Variants in TTC29 observed in about 807,000 individuals in gnomAD.
TTC29 encodes the protein tetratricopeptide repeat domain 29, also known as tetratricopeptide repeat protein 29.
Under a neutral mutation model 58.1 loss-of-function variants are expected in TTC29, and 49 were observed. The observed-to-expected ratio is 0.84, with a 90% CI of 0.67 to 1.07. TTC29 has a LOEUF of 1.07. Ranked by LOEUF, TTC29 falls within the 50% of genes least tolerant of loss-of-function variation. The probability of loss-of-function intolerance (pLI) is 0.00; values close to 1 mark genes in which losing one functional copy is unlikely to be tolerated. For missense variants in TTC29, 582 were observed against 555.6 expected, an observed-to-expected ratio of 1.05 and a Z score of -0.48; for synonymous variants, 209 against 196.8, an observed-to-expected ratio of 1.06 and a Z score of -0.52.
chr4:146,785,615 T>C (rs554916532), intron 11 of TTC29, among the ~76,000 whole-genome samples: 1 of 151,482 alleles, frequency 6.6e-6, no homozygotes, highest in East Asian at 1.9e-4. Context: ...AACCTTCTTT[T>C]CCCCCAGTCT....
chr4:146,815,339 G>T lies in TTC29; in HGVS notation c.1101+4786C>A, dbSNP rs562559032. On this transcript the variant is annotated intron_variant, in intron 10 of 12. Transcript: ENST00000325106. The stretch of plus-strand genomic sequence containing the variant: ...TTGGATTGAATATGGAGCCGGGGGA[G>T]AGGAGAATTGAAGGATTTTCAGATT... 2.0e-5 allele frequency among the ~76,000 whole-genome samples: 3 copies of T among 152,294 alleles called. No individual in the cohort carries two copies. The South Asian group carries it at 6.2e-4, about 32-fold the overall frequency.
Position 146,708,927 on chromosome 4 carries a change from T to C in TTC29, c.1331-1376A>G, listed in dbSNP as rs76448051. 7.2e-4 allele frequency among the ~76,000 whole-genome samples: 110 copies of C among 152,258 alleles called. 2 individuals carry two copies. The East Asian group carries it at 0.021, about 29-fold the overall frequency. On this transcript the variant is annotated intron_variant, in intron 11 of 12. Coordinates refer to ENST00000325106, the MANE Select transcript of TTC29 (RefSeq NM_031956.4). ...TTCTCGGTCTTCTCACTACTGCACC[T>C]GAAGATGGGTTGGTGTCCTCTCCTC... is the stretch of plus-strand genomic sequence containing the variant.
intron 11 of TTC29, 70 bp downstream of exon 11, chr4:146,803,387 T>A: frequency 8.7e-7 from 1 of 1,145,228 alleles, no homozygotes; most frequent in Non-Finnish European, 1.2e-6. Context: ...GAGTGAAACT[T>A]TCCAATGAAA....
At chr4:146,806,452 C>CT (rs1430069851) in intron 10 of TTC29, among the ~76,000 whole-genome samples, 2 of 152,100 alleles carry the variant, frequency 1.3e-5, no homozygotes, top group Non-Finnish European at 2.9e-5. Flanking sequence ...TTGATAAAGA[C>CT]TGAAGACCCA....
intron 11 of TTC29, among the ~76,000 whole-genome samples, chr4:146,735,404 T>C (rs1744645461): frequency 6.6e-6 from 1 of 152,166 alleles, no homozygotes. Flanking sequence ...ACAGTATCTT[T>C]GGTTTTAAAT....
At chr4:146,780,703 TATATA>T (rs74673696) in intron 11 of TTC29, among the ~76,000 whole-genome samples, 7,007 of 152,100 alleles carry the variant, frequency 0.046, 225 homozygotes, top group East Asian at 0.14. Flanking sequence ...CACACACATA[TATATA>T]ATATAACTGT....
Position 146,930,942 on chromosome 4 carries a change from G to A in TTC29, c.176+6652C>T, listed in dbSNP as rs147624106. 2.8e-3 allele frequency among the ~76,000 whole-genome samples: 427 copies of A among 152,196 alleles called. 2 individuals are homozygous for A. Among genetic ancestry groups the A allele is most frequent in the Non-Finnish European group, 4.4e-3 (300 of 68,006 alleles). On this transcript the variant is annotated intron_variant, in intron 4 of 12. Transcript: ENST00000325106. ...AAGTGCATTTTGCACTGTGGTTTACGGGCTATTGTAGGAAGAACCACATCC... is the reference window on the plus strand; with the variant it reads ...AAGTGCATTTTGCACTGTGGTTTACAGGCTATTGTAGGAAGAACCACATCC...
intron 6 of TTC29, among the ~76,000 whole-genome samples, chr4:146,886,321 T>C (rs1731980420): frequency 6.6e-6 from 1 of 152,144 alleles, no homozygotes; most frequent in Non-Finnish European, 1.5e-5. Context: ...CTGTTAGAAA[T>C]CCGTCCAATC....
At chr4:146,730,332 T>G (rs1030100209) in intron 11 of TTC29, among the ~76,000 whole-genome samples, 10 of 152,132 alleles carry the variant, frequency 6.6e-5, no homozygotes, top group Non-Finnish European at 1.3e-4. Context: ...TTTTGGCCAC[T>G]CTAAGTCTGA....
At chr4:146,833,944 C>A in intron 8 of TTC29, 47 bp from the exon 9 acceptor site, 2 of 1,262,222 alleles carry the variant, frequency 1.6e-6, no homozygotes, top group Non-Finnish European at 1.1e-6. Flanking sequence ...CAGCCAGATA[C>A]GCTGATGTTT....
At chr4:146,759,216 C>T (rs1333543900) in intron 11 of TTC29, among the ~76,000 whole-genome samples, 1 of 152,028 alleles carries the variant, frequency 6.6e-6, no homozygotes, top group Non-Finnish European at 1.5e-5. Context: ...CACACATAAA[C>T]TAGAAAACCT....
intron 9 of TTC29, among the ~76,000 whole-genome samples, chr4:146,822,367 G>C (rs886823959): frequency 1.3e-5 from 2 of 152,178 alleles, no homozygotes; most frequent in African/African-American, 4.8e-5. Context: ...TTAACTTGCT[G>C]AGGATGGTGG....
intron 10 of TTC29, among the ~76,000 whole-genome samples, chr4:146,809,893 C>T (rs1654727095): frequency 1.3e-5 from 2 of 150,438 alleles, no homozygotes. Context: ...TACCATTTGA[C>T]CCAGCAATCC....
At chr4:146,873,169 T>C (rs936126590) in intron 7 of TTC29, among the ~76,000 whole-genome samples, 3 of 152,110 alleles carry the variant, frequency 2.0e-5, no homozygotes, top group Non-Finnish European at 4.4e-5. Context: ...TGTAAACCAA[T>C]GTGAGGGGCA....
At chr4:146,769,349 T>G (rs1747551865) in intron 11 of TTC29, among the ~76,000 whole-genome samples, 1 of 152,008 alleles carries the variant, frequency 6.6e-6, no homozygotes, top group Non-Finnish European at 1.5e-5. Context: ...TCAAGCTTAA[T>G]ATTTTCCTGA....
chr4:146,798,731 G>GA (rs1273596997), intron 11 of TTC29, among the ~76,000 whole-genome samples: 1 of 150,976 alleles, frequency 6.6e-6, no homozygotes, highest in Non-Finnish European at 1.5e-5. Flanking sequence ...ACTAAAAATA[G>GA]AAAAAATTAG....
At chr4:146,776,721 G>T (rs971027495) in intron 11 of TTC29, among the ~76,000 whole-genome samples, 1 of 152,182 alleles carries the variant, frequency 6.6e-6, no homozygotes, top group Admixed American at 6.5e-5. Context: ...TGGGGCAGTG[G>T]GATCTGTGCC....
At chr4:146,900,853 T>TA (rs987024556) in intron 6 of TTC29, among the ~76,000 whole-genome samples, 5 of 152,084 alleles carry the variant, frequency 3.3e-5, no homozygotes, top group Admixed American at 2.6e-4. Flanking sequence ...TTCACCACCA[T>TA]AAAAAATTTA....
chr4:146,768,567 A>AT (rs923985393), intron 11 of TTC29, among the ~76,000 whole-genome samples: 3 of 151,884 alleles, frequency 2.0e-5, no homozygotes, highest in Admixed American at 6.6e-5. Context: ...TTTTGAAGAG[A>AT]TTTTTTCCCC....
Sources: gnomAD v4.1 joint callset for allele counts (sites outside exome capture counted in the v4.1 genomes callset) on GRCh38, gnomAD v4.1.1 for gene constraint, MANE v1.5 for transcripts, NCBI Gene and HGNC (gene_info 2026-07-23, HGNC 2026-07-21) for gene names.